LUC7L2: variants seen among roughly 807,000 people sequenced by gnomAD.
The protein encoded by LUC7L2 is putative RNA-binding protein Luc7-like 2.
LUC7L2 carries 25 observed loss-of-function variants against 52.8 expected under a neutral mutation model. That is an observed-to-expected ratio of 0.47 (90% CI 0.34 to 0.66). The LOEUF (loss-of-function observed/expected upper bound fraction) is 0.66. LUC7L2 is among the 30% of genes least tolerant of loss of function. The pLI is 0.01. For missense variants in LUC7L2, 328 were observed against 497.8 expected, an observed-to-expected ratio of 0.66 and a Z score of 3.25; for synonymous variants, 144 against 160.9, an observed-to-expected ratio of 0.89 and a Z score of 0.80.
At position 139,353,357 on chromosome 7, in the gene LUC7L2, G is replaced by A. The variant is rs73472663; in HGVS notation, c.-26+12840G>A. Among the ~76,000 whole-genome samples the A allele has an allele frequency of 4.4e-3, 677 of 152,272 alleles. 3 individuals are homozygous for A. The highest frequency in any genetic ancestry group is 0.016 in the African/African-American group (655 of 41,550). ...CTGTTCTGGACAGCTAGCAAAACAT[G>A]TTACTTGTACCTATTCTGTTTTAAT... On this transcript the variant is annotated intron_variant, in intron 1 of 10. Transcript: ENST00000541170.
chr7:139,362,311 ATTCT>A (rs1799928496), intron 1 of LUC7L2, among the ~76,000 whole-genome samples: 1 of 152,110 alleles, frequency 6.6e-6, no homozygotes. Context: ...TAATCAGAAC[ATTCT>A]TTTTTTTCTT....
At position 139,364,071 on chromosome 7, in the gene LUC7L2, A is replaced by G. The variant is rs1800018320; in HGVS notation, c.61+3749A>G. 2.3e-5 allele frequency among the ~76,000 whole-genome samples: 3 copies of G among 129,840 alleles called. No homozygotes were observed. In the Admixed American group the frequency reaches 3.0e-4, roughly 13 times the overall value. The allele number at this position is 129,840 out of a possible 152,430, so 85.2% of individuals were successfully genotyped here. A position where few individuals can be genotyped will look rare whatever the true frequency, so the allele number is the denominator to read the frequency against. On this transcript the variant is annotated intron_variant, in intron 1 of 9. Transcript: ENST00000354926. ...ATCTCGGCTCACTGCTACAACCTCCACCTCCTGGGTTCGAGTGATTCTCCT... is the reference window on the plus strand; with the variant it reads ...ATCTCGGCTCACTGCTACAACCTCCGCCTCCTGGGTTCGAGTGATTCTCCT...
chr7:139,386,404 ATT>A (rs4028268), intron 2 of LUC7L2, among the ~76,000 whole-genome samples: 22 of 131,452 alleles, frequency 1.7e-4, no homozygotes, highest in Non-Finnish European at 1.4e-4. Context: ...GTCACTGGAA[ATT>A]TTTTTTTTTT....
intron 1 of LUC7L2, among the ~76,000 whole-genome samples, chr7:139,373,629 C>T (rs1445219345): frequency 2.6e-5 from 4 of 151,878 alleles, no homozygotes; most frequent in Non-Finnish European, 5.9e-5. Flanking sequence ...ACCAGGGATA[C>T]TGCCTGGTTT....
chr7:139,421,527 G>A (rs1463505371), intron 9 of LUC7L2, among the ~76,000 whole-genome samples: 1 of 152,196 alleles, frequency 6.6e-6, no homozygotes, highest in Non-Finnish European at 1.5e-5. Context: ...GAGCATCTTT[G>A]TCTTTTTTTA....
chr7:139,360,492 A>G (rs1334722184), intron 1 of LUC7L2, among the ~76,000 whole-genome samples, 170 bp downstream of exon 1: 2 of 151,928 alleles, frequency 1.3e-5, no homozygotes, highest in Non-Finnish European at 2.9e-5. Flanking sequence ...GCAGGCGGGC[A>G]GGGGGGGCGG....
At chr7:139,393,806 A>C (rs1468574446) in intron 2 of LUC7L2, among the ~76,000 whole-genome samples, 1 of 152,214 alleles carries the variant, frequency 6.6e-6, no homozygotes, top group African/African-American at 2.4e-5. Context: ...GATGCTTAGT[A>C]GTCATCATGG....
intron 1 of LUC7L2, chr7:139,340,528 T>C (rs1798882295): frequency 2.5e-6 from 1 of 398,550 alleles, no homozygotes; most frequent in Non-Finnish European, 4.4e-6. Flanking sequence ...GTAAAGCCTT[T>C]GGCGCGGTGA....
At chr7:139,405,444 G>A (rs1795078226) in intron 4 of LUC7L2, among the ~76,000 whole-genome samples, 200 bp from the exon 5 acceptor site, 1 of 152,146 alleles carries the variant, frequency 6.6e-6, no homozygotes, top group Non-Finnish European at 1.5e-5. Context: ...CCCAGTAGTA[G>A]CCCTGACTTC....
chr7:139,375,141 A>G (rs1436044361), intron 1 of LUC7L2: 1 of 983,580 alleles, frequency 1.0e-6, no homozygotes, highest in Non-Finnish European at 1.2e-6. Context: ...GTTTTTCCAA[A>G]GAGATTCTAA....
chr7:139,358,645 T>A (rs533763069), upstream of LUC7L2, among the ~76,000 whole-genome samples: 17 of 152,356 alleles, frequency 1.1e-4, no homozygotes, highest in Middle Eastern at 3.4e-3. Flanking sequence ...TTTAGATTTC[T>A]TTTTAAGCAA....
At chr7:139,367,682 T>C (rs10274480) in intron 1 of LUC7L2, among the ~76,000 whole-genome samples, 58,984 of 152,106 alleles carry the variant, frequency 0.39, 16,056 homozygotes, top group African/African-American at 0.78. Flanking sequence ...TATATATACC[T>C]AAGCCTGTAA....
At chr7:139,355,404 GAA>G (rs539369354), upstream of LUC7L2, among the ~76,000 whole-genome samples, 50 of 151,344 alleles carry the variant, frequency 3.3e-4, no homozygotes, top group African/African-American at 1.2e-3. Context: ...AGGCACACAA[GAA>G]AAGACTTCAT....
chr7:139,409,630 G>A lies in LUC7L2; in HGVS notation c.755G>A (p.Arg252Lys). The change falls in exon 7 of 10, where the codon AGA becomes AAA. Residue 252 changes from arginine to lysine, a missense_variant. Physicochemically the swap from Arg to Lys is conservative, Grantham distance 26. Around this residue, in one of 2 missense-constraint regions of LUC7L2, gnomAD observed 195 missense variants for 223.3 expected, o/e 0.87. Coordinates refer to ENST00000354926, the MANE Select transcript of LUC7L2 (RefSeq NM_016019.5). Reference sequence around the variant, plus strand: ...CTGAAACGAAGAGAAGAGAGAGAGAGAGAAGAAAGGGAGAAGCTGAGGAGG... The same window carrying A: ...CTGAAACGAAGAGAAGAGAGAGAGAAAGAAGAAAGGGAGAAGCTGAGGAGG... ...ERLKRREERE[R>K]EEREKLRRSR... The A allele has an allele frequency of 6.2e-7, 1 of 1,611,174 alleles. No homozygotes were observed. Among genetic ancestry groups the A allele is most frequent in the East Asian group, 2.2e-5 (1 of 44,724 alleles).
chr7:139,344,047 T>C (rs1189207601), intron 1 of LUC7L2, among the ~76,000 whole-genome samples: 1 of 151,676 alleles, frequency 6.6e-6, no homozygotes, highest in Non-Finnish European at 1.5e-5. Context: ...CATCCCCATC[T>C]CACCTTTCCT....
chr7:139,416,040 A>AATATAT (rs66498771), intron 8 of LUC7L2: 1,127 of 97,232 alleles, frequency 0.012, 44 homozygotes, highest in Non-Finnish European at 0.021. Flanking sequence ...TGAGGTATAA[A>AATATAT]ATATATATAT....
Position 139,345,354 on chromosome 7 carries a change from G to A in LUC7L2, c.-26+4837G>A, listed in dbSNP as rs919072083. The A allele has an allele frequency of 1.4e-5, 18 of 1,274,268 alleles. No homozygotes were observed. In the African/African-American group the frequency reaches 2.7e-4, roughly 19 times the overall value. 78.9% of individuals were successfully genotyped at this position (1,274,268 alleles called of 1,614,324 possible). On this transcript the variant is annotated intron_variant, in intron 1 of 10. Coordinates refer to the LUC7L2 transcript ENST00000541170. Reference sequence around the variant, plus strand: ...ATAACTATAGAGTGCCTCTATAGATGTATTAAGTATACATGTATATACATA... The same window carrying A: ...ATAACTATAGAGTGCCTCTATAGATATATTAAGTATACATGTATATACATA...
chr7:139,379,862 G>T (rs1348810138), intron 2 of LUC7L2, among the ~76,000 whole-genome samples: 1 of 151,952 alleles, frequency 6.6e-6, no homozygotes, highest in Non-Finnish European at 1.5e-5. Context: ...CACTGTGCCT[G>T]GTCTGGCATA....
At chr7:139,414,344 C>A (rs1341222938) in intron 8 of LUC7L2, among the ~76,000 whole-genome samples, 8 of 152,176 alleles carry the variant, frequency 5.3e-5, no homozygotes, top group Non-Finnish European at 4.4e-5. Flanking sequence ...ACATCAGATA[C>A]ACTAATGATA....
Sources: gnomAD v4.1 joint callset for allele counts (sites outside exome capture counted in the v4.1 genomes callset) on GRCh38, gnomAD v4.1.1 for gene constraint, gnomAD v4.1.1 regional missense constraint, MANE v1.5 for transcripts, NCBI Gene and HGNC (gene_info 2026-07-23, HGNC 2026-07-21) for gene names.